The following CHD9 variants were observed in gnomAD, a reference collection of about 807,000 sequenced individuals.
The protein encoded by CHD9 is chromodomain helicase DNA binding protein 9.
Under a neutral mutation model 316.1 loss-of-function variants are expected in CHD9, and 77 were observed. The ratio of observed to expected loss-of-function variants is 0.24; its 90% CI spans 0.20 to 0.29. CHD9 has a LOEUF of 0.29. CHD9 is among the 10% of genes least tolerant of loss of function. The pLI, the probability that CHD9 is intolerant of heterozygous loss-of-function variation, is 1.00. For synonymous variants in CHD9, 1,129 were observed against 1,158.3 expected (o/e 0.97, Z 0.51); for missense variants, 2,763 against 3,438.1 (o/e 0.80, Z 4.91).
At chr16:53,208,576 A>G (rs1170373578) in intron 2 of CHD9, 21 of 1,017,172 alleles carry the variant, frequency 2.1e-5, no homozygotes, top group Admixed American at 5.9e-5. Context: ...CCAGTGCTGC[A>G]GTGCTGCTAT....
intron 26 of CHD9, among the ~76,000 whole-genome samples, chr16:53,287,312 G>A (rs1340787557): frequency 2.0e-5 from 3 of 152,186 alleles, no homozygotes; most frequent in Non-Finnish European, 4.4e-5. Context: ...TGAATTTATA[G>A]ATATGAAACC....
intron 1 of CHD9, among the ~76,000 whole-genome samples, chr16:53,072,320 C>CT (rs35193137): frequency 0.64 from 91,995 of 143,842 alleles, 29,660 homozygotes; most frequent in Non-Finnish European, 0.67. Context: ...AGCCATAAGT[C>CT]TTTTTTTTTT....
chr16:53,118,330 T>A (rs1237820356), intron 1 of CHD9, among the ~76,000 whole-genome samples: 6 of 151,968 alleles, frequency 3.9e-5, no homozygotes, highest in Middle Eastern at 3.4e-3. Flanking sequence ...GGCATGAGAA[T>A]CGCTTGACCC....
chr16:53,254,171 C>T (rs1425419765), intron 17 of CHD9, among the ~76,000 whole-genome samples: 1 of 151,934 alleles, frequency 6.6e-6, no homozygotes, highest in East Asian at 1.9e-4. Flanking sequence ...AGCAAGACTC[C>T]ATCTCAAAAA....
rs758676695 is a variant in CHD9 at position 53,227,585 on chromosome 16, T to A, written c.2150T>A (p.Phe717Tyr). Residue 717 changes from phenylalanine (F) to tyrosine (Y), a missense_variant, in exon 7 of 39, where the codon TTT becomes TAT. Physicochemically the swap from Phe to Tyr is conservative, Grantham distance 22 (BLOSUM62 3). Transcript: ENST00000447540. ...GTGATGATTGATACAGAAGAATTTTTTGTAAAATACAAGAATTAGTAAGTA... is the reference window on the plus strand; with the variant it reads ...GTGATGATTGATACAGAAGAATTTTATGTAAAATACAAGAATTAGTAAGTA... ...PGVMIDTEEF[F>Y]VKYKNYSYLH... 1.1e-5 allele frequency: 15 copies of A among 1,338,274 alleles called. No homozygotes were observed. The highest frequency in any genetic ancestry group is 1.4e-5 in the Non-Finnish European group (14 of 997,096). 82.9% of individuals were successfully genotyped at this position (1,338,274 alleles called of 1,614,324 possible).
rs1223038187 is a variant in CHD9, at chr16:53,308,693, G to A, written c.7061G>A (p.Gly2354Asp). 1.2e-6 allele frequency: 2 copies of A among 1,610,822 alleles called. No homozygotes were observed. The highest frequency in any genetic ancestry group is 1.7e-5 in the Admixed American group (1 of 59,714). The stretch of plus-strand genomic sequence containing the variant: ...ATGGTATTTGTTTAACAGGAAGGTG[G>A]TTTGAAGTTGACATTTCAGAAGCAA... The part of the protein sequence containing the change: ...EFTVKIKDEG[G>D]LKLTFQKQGL... The change falls in exon 34 of 39, where the codon GGT (glycine) becomes GAT (aspartate). Residue 2354 changes from glycine (G) to aspartate (D), a missense_variant. Physicochemically the swap from Gly to Asp is moderately conservative, Grantham distance 94 (BLOSUM62 -1). Coordinates refer to ENST00000447540, the MANE Select transcript of CHD9 (RefSeq NM_001308319.2).
chr16:53,305,533 A>G (rs1399935277), intron 31 of CHD9, among the ~76,000 whole-genome samples: 2 of 152,244 alleles, frequency 1.3e-5, no homozygotes, highest in Non-Finnish European at 2.9e-5. Flanking sequence ...CTTAAATTGA[A>G]TATTTTTCCC....
intron 1 of CHD9, among the ~76,000 whole-genome samples, chr16:53,124,541 T>C (rs1429463685): frequency 1.4e-5 from 2 of 140,384 alleles, no homozygotes; most frequent in Admixed American, 1.6e-4. Context: ...GCAGTGGCAA[T>C]GATCTTGGCT....
At chr16:53,304,974 A>G (rs113881053) in intron 31 of CHD9, among the ~76,000 whole-genome samples, 4,927 of 152,068 alleles carry the variant, frequency 0.032, 99 homozygotes, top group Middle Eastern at 0.071. Context: ...GATTACAGGC[A>G]TGAGCCACCA....
At chr16:53,195,637 C>G (rs62048047) in intron 2 of CHD9, among the ~76,000 whole-genome samples, 36,440 of 151,830 alleles carry the variant, frequency 0.24, 4,707 homozygotes, top group Middle Eastern at 0.32. Context: ...GAGAGTATCT[C>G]TGAGCTCAGA....
At chr16:53,228,440 A>G (rs1288636864) in intron 7 of CHD9, among the ~76,000 whole-genome samples, 3 of 151,860 alleles carry the variant, frequency 2.0e-5, no homozygotes, top group Non-Finnish European at 2.9e-5. Context: ...TTAATTTTGG[A>G]TAAAGGTCAG....
chr16:53,323,602 C>G (rs1598030744), intron 38 of CHD9, among the ~76,000 whole-genome samples: 1 of 152,298 alleles, frequency 6.6e-6, no homozygotes, highest in East Asian at 1.9e-4. Flanking sequence ...CTTACTATAA[C>G]CTTAACCTTT....
In CHD9 at chr16:53,070,514, TTCCTTCCTTCCTTCCTTC is replaced by T. The variant is rs745366737; in HGVS notation, c.-165+15438_-165+15455del. On this transcript the variant is annotated intron_variant, in intron 1 of 38. Transcript: ENST00000447540. Reference sequence around the variant, plus strand: ...TTTCCTTCCTTCCTTCCTTCCTTCCTTCCTTCCTTCCTTCCTTCCTCTCTCTCTCTCTCTCTCTCTTTC... The same window carrying T: ...TTTCCTTCCTTCCTTCCTTCCTTCCTCTCTCTCTCTCTCTCTCTCTCTTTC... Among the ~76,000 whole-genome samples, 518 of 113,730 alleles carry T rather than the reference TTCCTTCCTTCCTTCCTTC, an allele frequency of 4.6e-3. 4 individuals carry two copies. Among genetic ancestry groups the T allele is most frequent in the African/African-American group, 0.016 (465 of 28,474 alleles). The allele number at this position is 113,730 out of a possible 152,430, so 74.6% of individuals were successfully genotyped here. A position where few individuals can be genotyped will look rare whatever the true frequency, so the allele number is the denominator to read the frequency against.
chr16:53,225,716 A>G (rs1050849747), intron 4 of CHD9, among the ~76,000 whole-genome samples: 1 of 152,040 alleles, frequency 6.6e-6, no homozygotes, highest in Non-Finnish European at 1.5e-5. Context: ...TCTTTCATTC[A>G]AAATTATTTG....
intron 10 of CHD9, among the ~76,000 whole-genome samples, chr16:53,234,026 T>A (rs1376922595): frequency 6.6e-6 from 1 of 152,196 alleles, no homozygotes; most frequent in African/African-American, 2.4e-5. Context: ...TATATATAAG[T>A]GAATAAAATT....
intron 1 of CHD9, among the ~76,000 whole-genome samples, chr16:53,068,141 A>G (rs1311835360): frequency 1.3e-5 from 2 of 152,124 alleles, no homozygotes; most frequent in African/African-American, 4.8e-5. Flanking sequence ...TTGACCTTGG[A>G]TATGTTGCTT....
chr16:53,304,370 A>G lies in CHD9; in HGVS notation c.6364A>G (p.Arg2122Gly), dbSNP rs747162482. The G allele has an allele frequency of 9.9e-6, 16 of 1,613,340 alleles. No individual in the cohort carries two copies. Among genetic ancestry groups the G allele is most frequent in the East Asian group, 4.5e-5 (2 of 44,864 alleles). Residue 2122 changes from arginine (R) to glycine (G), a missense_variant, in exon 31 of 39, where the codon AGA (arginine) becomes GGA (glycine). Physicochemically the swap from Arg to Gly is moderately radical, Grantham distance 125. This residue lies in a region of CHD9 where 663 missense variants were observed against 751.2 expected (regional missense o/e 0.88). Coordinates refer to ENST00000447540, the MANE Select transcript of CHD9 (RefSeq NM_001308319.2). ...LTPNPASKKP[R>G]VHKRGSESSS... Reference sequence around the variant, plus strand: ...TCCAAACCCAGCTTCTAAGAAACCAAGAGTCCACAAAAGGGGATCAGAATC... The same window carrying G: ...TCCAAACCCAGCTTCTAAGAAACCAGGAGTCCACAAAAGGGGATCAGAATC...
chr16:53,065,005 G>A (rs2033360595), intron 1 of CHD9, among the ~76,000 whole-genome samples: 1 of 147,574 alleles, frequency 6.8e-6, no homozygotes, highest in Admixed American at 6.6e-5. Flanking sequence ...GAAAGAAAAA[G>A]AGAGGGAGTG....
At chr16:53,257,788 A>T in intron 19 of CHD9, among the ~76,000 whole-genome samples, 1 of 152,168 alleles carries the variant, frequency 6.6e-6, no homozygotes, top group Admixed American at 6.5e-5. Flanking sequence ...TTCCAAAAGG[A>T]ACATTGCAGA....
Sources: allele counts gnomAD v4.1 joint callset (sites outside exome capture counted in the v4.1 genomes callset), GRCh38; gene constraint gnomAD v4.1.1; regional missense constraint gnomAD v4.1.1; transcripts MANE v1.5; gene names NCBI Gene and HGNC (gene_info 2026-07-23, HGNC 2026-07-21).